The following MCM8 variants were observed in gnomAD, a reference collection of about 807,000 sequenced individuals.
MCM8 encodes the protein minichromosome maintenance 8 homologous recombination repair factor.
Under a neutral mutation model 98.9 loss-of-function variants are expected in MCM8, and 85 were observed. The ratio of observed to expected loss-of-function variants is 0.86; its 90% CI spans 0.72 to 1.03. MCM8 has a LOEUF of 1.03. MCM8 is among the 50% of genes least tolerant of loss of function. The pLI is 0.00. For missense variants in MCM8, 951 were observed against 997.8 expected (o/e 0.95, Z 0.63); for synonymous variants, 352 against 338.6 (o/e 1.04, Z -0.44).
rs2089936043 is a variant in MCM8 at position 5,994,987 on chromosome 20, T to G, written c.*596T>G. 1 of 174,374 alleles carries G rather than the reference T, an allele frequency of 5.7e-6. No individual in the cohort carries two copies. The highest frequency in any genetic ancestry group is 5.7e-5 in the Admixed American group (1 of 17,578). The allele number at this position is 174,374 out of a possible 1,614,324, so 10.8% of individuals were successfully genotyped here. On this transcript the variant is annotated 3_prime_UTR_variant, in exon 19 of 19. Coordinates refer to ENST00000610722, the MANE Select transcript of MCM8 (RefSeq NM_032485.6). The stretch of plus-strand genomic sequence containing the variant: ...ATTCTCCAAAGGGCTAAAAGTAAAT[T>G]ACTTATAAATTTTTTATAGTTGTAT...
chr20:5,978,087 T>A, intron 13 of MCM8, 70 bp downstream of exon 13: 5 of 1,562,194 alleles, frequency 3.2e-6, no homozygotes, highest in Non-Finnish European at 4.4e-6. Flanking sequence ...TCAGTTAATT[T>A]CTTTACATTC....
chr20:5,987,222 G>GA lies in MCM8; in HGVS notation c.2164-59dup, dbSNP rs1229994403. 2.5e-5 allele frequency: 37 copies of GA among 1,500,944 alleles called. 1 individual carries two copies. The African/African-American group carries it at 3.8e-4, about 15-fold the overall frequency. The allele number at this position is 1,500,944 out of a possible 1,614,324, so 93.0% of individuals were successfully genotyped here. On this transcript the variant is annotated intron_variant, in intron 16 of 18. Transcript: ENST00000610722. ...AAACAAGTAAATGAAGTAAAGCTTA[G>GA]ACATACTATGGTAAATATATTCATC...
At position 5,998,600 on chromosome 20, in the gene MCM8, G is replaced by T. The variant is rs971512484; in HGVS notation, c.*4209G>T. ...TCTGGGAGTTAATTCTGGAGACCCA[G>T]TATGGAACCCACTCCTAGCCCTTGT... On this transcript the variant is annotated 3_prime_UTR_variant, in exon 19 of 19. Coordinates refer to ENST00000610722, the MANE Select transcript of MCM8 (RefSeq NM_032485.6). The T allele has an allele frequency of 6.6e-6, 1 of 152,176 alleles. No homozygotes were observed. The highest frequency in any genetic ancestry group is 1.5e-5 in the Non-Finnish European group (1 of 68,064). The allele number at this position is 152,176 out of a possible 1,614,324, so 9.4% of individuals were successfully genotyped here.
Position 5,967,874 on chromosome 20 carries a change from GAAGCAAATTCTATTAGT to G in MCM8, c.1075_1091del (p.Ala359Ter). The G allele has an allele frequency of 6.2e-7, 1 of 1,613,260 alleles. No individual in the cohort carries two copies. The highest frequency in any genetic ancestry group is 8.5e-7 in the Non-Finnish European group (1 of 1,179,648). On this transcript the variant is annotated frameshift_variant, in exon 10 of 19. Transcript: ENST00000610722. LOFTEE classifies it high-confidence loss of function. ...CAAGTGTATGTTCCTTTTGTATATT[GAAGCAAATTCTATTAGT>G]AATAGCAAAGGACAGAAAACAAAGA...
At chr20:5,956,789 A>G (rs74510464) in intron 5 of MCM8, among the ~76,000 whole-genome samples, 1,676 of 152,180 alleles carry the variant, frequency 0.011, 25 homozygotes, top group African/African-American at 0.034. Context: ...CAGTGAATAT[A>G]GAGAAATAGG....
At chr20:5,957,048 A>T (rs2089002721) in intron 5 of MCM8, 78 bp from the exon 6 acceptor site, 1 of 830,684 alleles carries the variant, frequency 1.2e-6, no homozygotes, top group Admixed American at 2.9e-5. Flanking sequence ...TAAACTTTAT[A>T]TTCTCTATAA....
At position 5,998,720 on chromosome 20, in the gene MCM8, A is replaced by C. The variant is rs1050244824; in HGVS notation, c.*4329A>C. 1 of 152,216 alleles carries C rather than the reference A, an allele frequency of 6.6e-6. No individual in the cohort carries two copies. Among genetic ancestry groups the C allele is most frequent in the African/African-American group, 2.4e-5 (1 of 41,440 alleles). The allele number at this position is 152,216 out of a possible 1,614,324, so 9.4% of individuals were successfully genotyped here. Reference sequence around the variant, plus strand: ...GTTTCCTGCAACTAATCACTCATACATCTGTATCTAAAGCACTCCACCTGG... The same window carrying C: ...GTTTCCTGCAACTAATCACTCATACCTCTGTATCTAAAGCACTCCACCTGG... On this transcript the variant is annotated 3_prime_UTR_variant, in exon 19 of 19. Transcript: ENST00000610722.
At chr20:5,987,903 T>C (rs1038404981) in intron 17 of MCM8, among the ~76,000 whole-genome samples, 3 of 152,178 alleles carry the variant, frequency 2.0e-5, no homozygotes, top group South Asian at 2.1e-4. Flanking sequence ...ACGTGATAAA[T>C]TCTCAGAAGC....
intron 17 of MCM8, among the ~76,000 whole-genome samples, chr20:5,988,753 T>C (rs1348022958): frequency 6.6e-6 from 1 of 152,158 alleles, no homozygotes; most frequent in Non-Finnish European, 1.5e-5. Flanking sequence ...GAAGATGAAA[T>C]TATCTAATTT....
intron 17 of MCM8, 22 bp from the exon 18 acceptor site, chr20:5,993,484 T>G: frequency 6.7e-7 from 1 of 1,499,634 alleles, no homozygotes; most frequent in Non-Finnish European, 9.0e-7. Flanking sequence ...ATTGGGTAAT[T>G]TTTTCTTCCT....
intron 4 of MCM8, 144 bp from the exon 5 acceptor site, chr20:5,954,958 G>T (rs2088934952): frequency 3.1e-6 from 2 of 637,754 alleles, no homozygotes; most frequent in African/African-American, 3.7e-5. Flanking sequence ...AACCATGCTT[G>T]GCACAAAGCT....
chr20:5,965,231 C>G (rs968279331), intron 8 of MCM8: 1 of 152,184 alleles, frequency 6.6e-6, no homozygotes, highest in Non-Finnish European at 1.5e-5. Context: ...ACTTCTCCCT[C>G]CATCTTTTCT....
At chr20:5,977,022 T>C (rs902000317) in intron 12 of MCM8, among the ~76,000 whole-genome samples, 2 of 152,228 alleles carry the variant, frequency 1.3e-5, no homozygotes, top group Non-Finnish European at 2.9e-5. Context: ...ATTTACTTTA[T>C]ATTTTTGTGT....
chr20:5,993,796 GCTT>G (rs2089901826), intron 18 of MCM8, 101 bp downstream of exon 18: 1 of 961,324 alleles, frequency 1.0e-6, no homozygotes. Flanking sequence ...ATTCATACCT[GCTT>G]CTTCTCAAAG....
intron 4 of MCM8, 86 bp from the exon 5 acceptor site, chr20:5,955,016 T>C: frequency 3.2e-6 from 3 of 924,214 alleles, no homozygotes; most frequent in Non-Finnish European, 4.9e-6. Context: ...ATTGTATGCT[T>C]TCTCAAAGTC....
Position 5,994,578 on chromosome 20 carries a change from AG to A in MCM8, c.*188del, listed in dbSNP as rs2089923433. 4 of 553,844 alleles carry A rather than the reference AG, an allele frequency of 7.2e-6. No homozygotes were observed. The highest frequency in any genetic ancestry group is 6.3e-5 in the Admixed American group (2 of 31,834). The allele number at this position is 553,844 out of a possible 1,614,324, so 34.3% of individuals were successfully genotyped here. A position where few individuals can be genotyped will look rare whatever the true frequency, so the allele number is the denominator to read the frequency against. On this transcript the variant is annotated 3_prime_UTR_variant, in exon 19 of 19. Coordinates refer to ENST00000610722, the MANE Select transcript of MCM8 (RefSeq NM_032485.6). ...CCCAAAAGTATTATAATAGGAAAAAAGCATTAAATATAATAAACTAATTTAA... is the reference window on the plus strand; with the variant it reads ...CCCAAAAGTATTATAATAGGAAAAAACATTAAATATAATAAACTAATTTAA...
chr20:5,986,158 T>C, intron 16 of MCM8, 27 bp downstream of exon 16: 2 of 1,610,556 alleles, frequency 1.2e-6, no homozygotes, highest in East Asian at 4.5e-5. Context: ...GGTCATGCTT[T>C]TTTTGGCTTA....
At chr20:5,991,834 G>GATTC (rs962408945) in intron 17 of MCM8, among the ~76,000 whole-genome samples, 7 of 152,102 alleles carry the variant, frequency 4.6e-5, no homozygotes, top group East Asian at 1.9e-4. Flanking sequence ...CCTTAGTAAT[G>GATTC]ATTCATTCAT....
intron 11 of MCM8, chr20:5,972,506 T>A: frequency 3.3e-6 from 1 of 303,024 alleles, no homozygotes; most frequent in Non-Finnish European, 6.4e-6. Flanking sequence ...ATAGCTCCTT[T>A]TAAGAAAAAA....
Sources: allele counts gnomAD v4.1 joint callset (sites outside exome capture counted in the v4.1 genomes callset), GRCh38; gene constraint gnomAD v4.1.1; transcripts MANE v1.5; gene names NCBI Gene and HGNC (gene_info 2026-07-23, HGNC 2026-07-21).